ZC3H7B: variants seen among roughly 807,000 people sequenced by gnomAD.
ZC3H7B encodes zinc finger CCCH-type containing 7B.
In ZC3H7B, 35 loss-of-function variants were observed where a neutral mutation model predicts 116.0. The observed-to-expected ratio is 0.30, with a 90% CI of 0.23 to 0.40. The LOEUF (loss-of-function observed/expected upper bound fraction) is 0.40, where lower values mean the gene tolerates loss of function less well. Among genes scored for constraint, ZC3H7B ranks in the 10% least tolerant of loss-of-function variants. The probability of loss-of-function intolerance (pLI) is 1.00; values close to 1 mark genes in which losing one functional copy is unlikely to be tolerated. For synonymous variants in ZC3H7B, 502 were observed against 545.6 expected (o/e 0.92, Z 1.11); for missense variants, 1,011 against 1,321.5 (o/e 0.77, Z 3.64).
At chr22:41,329,819 A>G (rs2036359538) in intron 5 of ZC3H7B, among the ~76,000 whole-genome samples, 1 of 152,278 alleles carries the variant, frequency 6.6e-6, no homozygotes, top group African/African-American at 2.4e-5. Context: ...AAGGAAAAAC[A>G]GAAGCATGGG....
At chr22:41,345,953 G>C (rs781642545) in intron 13 of ZC3H7B, 50 bp from the exon 14 acceptor site, 5 of 1,597,130 alleles carry the variant, frequency 3.1e-6, no homozygotes, top group Admixed American at 3.3e-5. Flanking sequence ...AGGGTGCTGC[G>C]GGCTGCTATC....
At chr22:41,339,782 T>C (rs2036495097) in intron 9 of ZC3H7B, 34 bp from the exon 10 acceptor site, 2 of 1,549,062 alleles carry the variant, frequency 1.3e-6, no homozygotes, top group South Asian at 2.5e-5. Flanking sequence ...AGTCCTGTTT[T>C]CCTCTGACCC....
intron 2 of ZC3H7B, among the ~76,000 whole-genome samples, chr22:41,322,050 G>A (rs1191245903): frequency 7.3e-5 from 11 of 150,266 alleles, no homozygotes; most frequent in South Asian, 2.1e-4. Context: ...CGTTTTAGCT[G>A]GGATGGTCTC....
intron 1 of ZC3H7B, among the ~76,000 whole-genome samples, chr22:41,318,445 C>T (rs1277486676): frequency 2.1e-5 from 3 of 145,878 alleles, no homozygotes; most frequent in Non-Finnish European, 3.0e-5. Context: ...AGGAGAATGG[C>T]GTGAACCTGG....
Position 41,349,418 on chromosome 22 carries a change from G to T in ZC3H7B, c.1948+117G>T. On this transcript the variant is annotated intron_variant, in intron 16 of 22. Coordinates refer to ENST00000352645, the MANE Select transcript of ZC3H7B (RefSeq NM_017590.6). The surrounding 1 kb of genome is among the most constrained non-coding windows in gnomAD (Gnocchi z 4.9). The stretch of plus-strand genomic sequence containing the variant: ...AGGCCAGGGCCCCATGGTCGCTGGA[G>T]GGGGCTTCGGGAGAGTTCAGGAGAG... The T allele has an allele frequency of 7.3e-7, 1 of 1,365,480 alleles. No individual in the cohort carries two copies. The highest frequency in any genetic ancestry group is 1.0e-6 in the Non-Finnish European group (1 of 1,004,792). The allele number at this position is 1,365,480 out of a possible 1,614,324, so 84.6% of individuals were successfully genotyped here.
In ZC3H7B at chr22:41,304,966, C is replaced by G. The variant is rs888941482; in HGVS notation, c.-7+3194C>G. Among the ~76,000 whole-genome samples the G allele has an allele frequency of 8.5e-5, 13 of 152,306 alleles. No individual in the cohort carries two copies. The South Asian group carries it at 2.1e-3, about 24-fold the overall frequency. ...CAGGGACTGTCCTATAATCCCAGCACTTTGGGAAGCCAAGGCGAGCTGATC... is the reference window on the plus strand; with the variant it reads ...CAGGGACTGTCCTATAATCCCAGCAGTTTGGGAAGCCAAGGCGAGCTGATC... On this transcript the variant is annotated intron_variant, in intron 1 of 22. Transcript: ENST00000352645.
At chr22:41,317,779 A>G (rs573843949) in intron 1 of ZC3H7B, among the ~76,000 whole-genome samples, 3 of 152,064 alleles carry the variant, frequency 2.0e-5, no homozygotes, top group South Asian at 2.1e-4. Context: ...GCGAGACCCT[A>G]TCTCAAAACA....
rs1328376127 is a variant in ZC3H7B at position 41,338,237 on chromosome 22, G to A, written c.583-76G>A. The A allele has an allele frequency of 8.7e-6, 13 of 1,498,932 alleles. No homozygotes were observed. Among genetic ancestry groups the A allele is most frequent in the Admixed American group, 1.9e-5 (1 of 53,490 alleles). The allele number at this position is 1,498,932 out of a possible 1,614,324, so 92.9% of individuals were successfully genotyped here. On this transcript the variant is annotated intron_variant, in intron 7 of 22. Transcript: ENST00000352645. This position sits in a 1 kb window ranked among gnomAD's most constrained non-coding sequence, Gnocchi z 4.5. ...GGTGCTGGGTCAACAGCATAGTCAC[G>A]TGGGGAGGGGCTGGTGCTGGGTGCT...
chr22:41,318,071 C>A (rs2036207089), intron 1 of ZC3H7B, among the ~76,000 whole-genome samples: 1 of 152,106 alleles, frequency 6.6e-6, no homozygotes, highest in Non-Finnish European at 1.5e-5. Context: ...ATAGAGTGGC[C>A]CTTTTGTTTA....
rs2036626466 is a variant in ZC3H7B at position 41,349,189 on chromosome 22, C to T, written c.1836C>T (p.Phe612=). Residue 612 remains phenylalanine, a synonymous_variant, in exon 16 of 23, where the codon TTC becomes TTT. Transcript: ENST00000352645. The surrounding 1 kb of genome is among the most constrained non-coding windows in gnomAD (Gnocchi z 4.9). ...YSKIRQFQEH[F]QFDVCRHEVR... ...AGATCCGCCAGTTCCAGGAGCACTT[C>T]CAGTTCGACGTGTGCCGCCATGAGG... 6.2e-7 allele frequency: 1 copy of T among 1,613,862 alleles called. No individual in the cohort carries two copies. The highest frequency in any genetic ancestry group is 1.3e-5 in the African/African-American group (1 of 75,066).
Position 41,338,405 on chromosome 22 carries a change from T to G in ZC3H7B, c.625+50T>G. The G allele has an allele frequency of 6.3e-7, 1 of 1,595,296 alleles. No homozygotes were observed. Among genetic ancestry groups the G allele is most frequent in the Non-Finnish European group, 8.6e-7 (1 of 1,169,508 alleles). On this transcript the variant is annotated intron_variant, in intron 8 of 22. Coordinates refer to ENST00000352645, the MANE Select transcript of ZC3H7B (RefSeq NM_017590.6). The surrounding 1 kb of genome is among the most constrained non-coding windows in gnomAD (Gnocchi z 4.5). ...AAGTGGAAATTGGGGCCCCGAGAGG[T>G]CAGGGGAGTCGAGCCCCCTCCCCAT... is the stretch of plus-strand genomic sequence containing the variant.
chr22:41,345,991 GC>G lies in ZC3H7B; in HGVS notation c.1460-10del. The stretch of plus-strand genomic sequence containing the variant: ...CGCCTGGCGGAACGTGTGTCCTGTT[GC>G]CTCTTTGCAGACATGATTAACAAGC... On this transcript the variant is annotated splice_polypyrimidine_tract_variant and intron_variant, in intron 13 of 22. Coordinates refer to ENST00000352645, the MANE Select transcript of ZC3H7B (RefSeq NM_017590.6). The G allele has an allele frequency of 6.2e-7, 1 of 1,613,908 alleles. No individual in the cohort carries two copies. Among genetic ancestry groups the G allele is most frequent in the South Asian group, 1.1e-5 (1 of 91,088 alleles).
intron 1 of ZC3H7B, among the ~76,000 whole-genome samples, chr22:41,319,662 G>T (rs1368765653): frequency 6.6e-6 from 1 of 150,396 alleles, no homozygotes. Flanking sequence ...TTTCTTAATT[G>T]CGTGTATCCT....
At chr22:41,336,625 T>G (rs1221262702) in intron 7 of ZC3H7B, 1 of 151,916 alleles carries the variant, frequency 6.6e-6, no homozygotes, top group African/African-American at 2.4e-5. Flanking sequence ...ATCGTGCCAC[T>G]GCACTCCAGC....
rs1466977370 is a variant in ZC3H7B at position 41,355,472 on chromosome 22, G to A, written c.2038G>A (p.Ala680Thr). The change falls in exon 18 of 23, where the codon GCT (alanine) becomes ACT (threonine). Residue 680 changes from alanine to threonine, a missense_variant. This residue lies in a region of ZC3H7B where 406 missense variants were observed against 590.2 expected (regional missense o/e 0.69). Coordinates refer to ENST00000352645, the MANE Select transcript of ZC3H7B (RefSeq NM_017590.6). ...HAGKASSSMG[A>T]PRTHGPSTFD... is the part of the protein sequence containing the mutation. ...CCCCCTCCCCATCCCCCCACAGGGTGCTCCGAGGACACATGGGCCCAGCAC... is the reference window on the plus strand; with the variant it reads ...CCCCCTCCCCATCCCCCCACAGGGTACTCCGAGGACACATGGGCCCAGCAC... The A allele has an allele frequency of 8.1e-6, 13 of 1,614,002 alleles. No individual in the cohort carries two copies. The East Asian group carries it at 2.5e-4, about 30-fold the overall frequency.
chr22:41,323,083 C>T (rs2036277509), intron 2 of ZC3H7B, among the ~76,000 whole-genome samples: 1 of 152,214 alleles, frequency 6.6e-6, no homozygotes. Context: ...TTCCTGGCCG[C>T]TTCTGGAGGG....
intron 1 of ZC3H7B, among the ~76,000 whole-genome samples, chr22:41,317,843 G>A (rs950639027): frequency 6.6e-6 from 1 of 152,094 alleles, no homozygotes; most frequent in Non-Finnish European, 1.5e-5. Flanking sequence ...GTGCCTGTAG[G>A]GCTGGGGCCT....
At chr22:41,343,764 C>T (rs1427686584) in intron 13 of ZC3H7B, among the ~76,000 whole-genome samples, 188 bp downstream of exon 13, 3 of 152,240 alleles carry the variant, frequency 2.0e-5, no homozygotes, top group Non-Finnish European at 4.4e-5. Flanking sequence ...TGAGCGTCTT[C>T]TTCCCTTAGC....
chr22:41,321,902 G>C (rs1255477475), intron 2 of ZC3H7B, among the ~76,000 whole-genome samples: 3 of 140,068 alleles, frequency 2.1e-5, no homozygotes, highest in African/African-American at 5.5e-5. Context: ...TGCAGTGGCG[G>C]GATCTCGGCT....
Sources: gnomAD v4.1 joint callset for allele counts (sites outside exome capture counted in the v4.1 genomes callset) on GRCh38, gnomAD v4.1.1 for gene constraint, gnomAD v4.1.1 regional missense constraint, Gnocchi (gnomAD v3.1) non-coding constraint, MANE v1.5 for transcripts, NCBI Gene and HGNC (gene_info 2026-07-23, HGNC 2026-07-21) for gene names.